SUCLG2: variants seen among roughly 807,000 people sequenced by gnomAD.
The protein encoded by SUCLG2 is succinate--CoA ligase [GDP-forming] subunit beta, mitochondrial.
Under a neutral mutation model 47.9 loss-of-function variants are expected in SUCLG2, and 42 were observed. That is an observed-to-expected ratio of 0.88 (90% CI 0.69 to 1.14). The LOEUF is 1.14. SUCLG2 is among the 50% of genes most tolerant of loss of function. The pLI is 0.00. For synonymous variants in SUCLG2, 195 were observed against 197.3 expected (o/e 0.99, Z 0.10); for missense variants, 571 against 525.9 (o/e 1.09, Z -0.84).
At chr3:67,390,329 C>T (rs1702352991) in intron 10 of SUCLG2, among the ~76,000 whole-genome samples, 1 of 152,094 alleles carries the variant, frequency 6.6e-6, no homozygotes, top group Non-Finnish European at 1.5e-5. Flanking sequence ...TTAAAAATAT[C>T]CTGATGAGAA....
Position 67,654,524 on chromosome 3 carries a change from G to A in SUCLG2, c.63C>T (p.Arg21=). 1 of 1,251,210 alleles carries A rather than the reference G, an allele frequency of 8.0e-7. No homozygotes were observed. 77.5% of individuals were successfully genotyped at this position (1,251,210 alleles called of 1,614,324 possible). The part of the protein sequence containing the change: ...KLLRALALRP[R]FLAAGSQAVQ... ...TCACCTGGGACCCGGCCGCCAGGAA[G>A]CGGGGCCGCAGCGCTAGGGCTCGCA... Residue 21 remains arginine (R), a synonymous_variant, in exon 1 of 11, where the codon CGC becomes CGT. Transcript: ENST00000307227.
rs1491229038 is a variant in SUCLG2, at chr3:67,585,992, C to CAA, written c.226+23462_226+23463insTT. Among the ~76,000 whole-genome samples, 496 of 66,734 alleles carry CAA rather than the reference C, an allele frequency of 7.4e-3. 5 individuals carry two copies. The highest frequency in any genetic ancestry group is 0.026 in the African/African-American group (468 of 17,700). 43.8% of individuals were successfully genotyped at this position (66,734 alleles called of 152,430 possible). On this transcript the variant is annotated intron_variant, in intron 2 of 10. Transcript: ENST00000307227. Reference sequence around the variant, plus strand: ...AAAAAAAAAAAAAAAAAAAAAAAAACCAAACCCACAAAGACTCCTGCTTTA... The same window carrying CAA: ...AAAAAAAAAAAAAAAAAAAAAAAAACAACAAACCCACAAAGACTCCTGCTTTA...
rs762913452 is a variant in SUCLG2 at position 67,520,498 on chromosome 3, G to C, written c.554C>G (p.Pro185Arg). 5 of 1,613,904 alleles carry C rather than the reference G, an allele frequency of 3.1e-6. No individual in the cohort carries two copies. The highest frequency in any genetic ancestry group is 4.2e-6 in the Non-Finnish European group (5 of 1,179,966). Residue 185 changes from proline (P) to arginine (R), a missense_variant, in exon 5 of 11, where the codon CCG becomes CGG. By Grantham distance (103) the Pro-to-Arg change is moderately radical (BLOSUM62 -2). Transcript: ENST00000307227. Reference sequence around the variant, plus strand: ...TAAACATACCTTAAAAATGAGCTCCGGGTTTGAAGCAGCCACCTCTTCAAT... The same window carrying C: ...TAAACATACCTTAAAAATGAGCTCCCGGTTTGAAGCAGCCACCTCTTCAAT... ...VDIEEVAASN[P>R]ELIFKEQIDI...
intron 9 of SUCLG2, among the ~76,000 whole-genome samples, chr3:67,426,510 T>C (rs1365523820): frequency 6.6e-6 from 1 of 152,184 alleles, no homozygotes; most frequent in Non-Finnish European, 1.5e-5. Flanking sequence ...AAAAAATATA[T>C]ATTACAGTAA....
chr3:67,384,276 A>C (rs1379271523), intron 10 of SUCLG2, among the ~76,000 whole-genome samples: 4 of 152,216 alleles, frequency 2.6e-5, no homozygotes, highest in African/African-American at 9.6e-5. Context: ...AGGGAGATTT[A>C]GATAGAGATA....
At chr3:67,535,876 A>G (rs1706528234) in intron 2 of SUCLG2, among the ~76,000 whole-genome samples, 1 of 152,194 alleles carries the variant, frequency 6.6e-6, no homozygotes, top group Admixed American at 6.5e-5. Flanking sequence ...CCAAAACTAC[A>G]CAGGGAAGGG....
chr3:67,425,980 A>T (rs1703291528), intron 9 of SUCLG2, among the ~76,000 whole-genome samples: 1 of 152,204 alleles, frequency 6.6e-6, no homozygotes. Flanking sequence ...CAGCTCAGGA[A>T]GATCCTGCTT....
chr3:67,395,985 C>G (rs919695061), intron 10 of SUCLG2, among the ~76,000 whole-genome samples: 9 of 151,966 alleles, frequency 5.9e-5, no homozygotes, highest in African/African-American at 2.2e-4. Context: ...AGAACAAAGA[C>G]ACAACATACC....
chr3:67,642,032 G>A lies in SUCLG2; in HGVS notation c.84+12471C>T, dbSNP rs374473262. On this transcript the variant is annotated intron_variant, in intron 1 of 10. Transcript: ENST00000307227. ...ATATTGAATTAGGGCCCTCCCTAAC[G>A]ACCTCATTTTAACTTGATTTCCTCT... Among the ~76,000 whole-genome samples, 11 of 152,206 alleles carry A rather than the reference G, an allele frequency of 7.2e-5. No individual in the cohort carries two copies. In the East Asian group the frequency reaches 1.9e-3, roughly 27 times the overall value.
intron 2 of SUCLG2, among the ~76,000 whole-genome samples, chr3:67,596,437 T>C (rs1708293808): frequency 6.6e-6 from 1 of 152,212 alleles, no homozygotes; most frequent in Non-Finnish European, 1.5e-5. Flanking sequence ...TTGTTAAATG[T>C]ATTATATTTA....
rs568074841 is a variant in SUCLG2 at position 67,476,193 on chromosome 3, G to A, written c.1062+19605C>T. On this transcript the variant is annotated intron_variant, in intron 9 of 10. Transcript: ENST00000307227. Reference sequence around the variant, plus strand: ...AATCCCCAAGCCATGGACCAGTACTGGTCCATGGCCTGTTAGGAACTGGGC... The same window carrying A: ...AATCCCCAAGCCATGGACCAGTACTAGTCCATGGCCTGTTAGGAACTGGGC... Among the ~76,000 whole-genome samples the A allele has an allele frequency of 2.6e-5, 4 of 152,070 alleles. No homozygotes were observed. In the South Asian group the frequency reaches 8.3e-4, roughly 32 times the overall value.
intron 1 of SUCLG2, among the ~76,000 whole-genome samples, chr3:67,641,690 G>A (rs976788131): frequency 2.0e-5 from 3 of 152,050 alleles, no homozygotes; most frequent in South Asian, 2.1e-4. Context: ...TAGGACTGGC[G>A]TACAAAGTAC....
intron 2 of SUCLG2, among the ~76,000 whole-genome samples, chr3:67,549,589 T>C (rs1706956927): frequency 6.6e-6 from 1 of 152,222 alleles, no homozygotes; most frequent in South Asian, 2.1e-4. Context: ...CTTTATAGTT[T>C]TGTTATAATC....
chr3:67,602,177 G>A (rs1708435036), intron 2 of SUCLG2, among the ~76,000 whole-genome samples: 1 of 152,054 alleles, frequency 6.6e-6, no homozygotes, highest in Admixed American at 6.6e-5. Context: ...AAGATTCCAG[G>A]AGATAATATT....
rs982262988 is a variant in SUCLG2 at position 67,387,690 on chromosome 3, T to C, written c.1184-11831A>G. Among the ~76,000 whole-genome samples the C allele has an allele frequency of 2.0e-5, 3 of 152,286 alleles. No homozygotes were observed. The South Asian group carries it at 6.2e-4, about 32-fold the overall frequency. ...GATATTCATGCTGAAATATGCAAAATACCACATTCAAGATTATTTTCCTTA... is the reference window on the plus strand; with the variant it reads ...GATATTCATGCTGAAATATGCAAAACACCACATTCAAGATTATTTTCCTTA... On this transcript the variant is annotated intron_variant, in intron 10 of 10. Transcript: ENST00000307227.
intron 9 of SUCLG2, among the ~76,000 whole-genome samples, chr3:67,463,823 T>C (rs1158282266): frequency 6.6e-6 from 1 of 152,216 alleles, no homozygotes; most frequent in Admixed American, 6.5e-5. Context: ...GAAAGTGTCA[T>C]CCTGTGAAAA....
Position 67,482,450 on chromosome 3 carries a change from C to A in SUCLG2, c.1062+13348G>T, listed in dbSNP as rs77667115. 4.6e-3 allele frequency among the ~76,000 whole-genome samples: 679 copies of A among 146,144 alleles called. 10 individuals are homozygous for A. In the East Asian group the frequency reaches 0.061, roughly 13 times the overall value. On this transcript the variant is annotated intron_variant, in intron 9 of 10. Transcript: ENST00000307227. ...AGAATTTGTTCTTTCAGTATAAGTT[C>A]TCTTCATGTTTCTATACTTTTGTAT...
intron 7 of SUCLG2, among the ~76,000 whole-genome samples, chr3:67,503,205 T>C (rs1362248238): frequency 6.6e-6 from 1 of 152,190 alleles, no homozygotes; most frequent in African/African-American, 2.4e-5. Flanking sequence ...CCCTGCTAAG[T>C]CACAGTTCTC....
At chr3:67,579,865 A>G (rs961164735) in intron 2 of SUCLG2, among the ~76,000 whole-genome samples, 3 of 152,234 alleles carry the variant, frequency 2.0e-5, no homozygotes, top group African/African-American at 7.2e-5. Context: ...CATGACATTG[A>G]GTTACAAGGT....
Sources: allele counts gnomAD v4.1 joint callset (sites outside exome capture counted in the v4.1 genomes callset), GRCh38; gene constraint gnomAD v4.1.1; transcripts MANE v1.5; gene names NCBI Gene and HGNC (gene_info 2026-07-23, HGNC 2026-07-21).